Variants in WWOX observed in about 807,000 individuals in gnomAD.
WWOX encodes WW domain containing oxidoreductase, also known as WW domain-containing oxidoreductase.
A neutral mutation model predicts 46.2 loss-of-function variants in WWOX; 69 were observed. The ratio of observed to expected loss-of-function variants is 1.49; its 90% confidence interval spans 1.23 to 1.82. The LOEUF (loss-of-function observed/expected upper bound fraction) is 1.82. Ranked by LOEUF, WWOX falls within the 40% of genes most tolerant of loss-of-function variation. WWOX has a pLI of 0.00. For missense variants in WWOX, 919 were observed against 542.6 expected, an observed-to-expected ratio of 1.69 and a Z score of -6.89; for synonymous variants, 359 against 202.6, an observed-to-expected ratio of 1.77 and a Z score of -6.56.
intron 8 of WWOX, among the ~76,000 whole-genome samples, chr16:79,085,999 G>A (rs973954434): frequency 3.9e-5 from 6 of 152,002 alleles, no homozygotes; most frequent in Non-Finnish European, 8.8e-5. Context: ...TTGCATCCAG[G>A]AGGTTGAGGC....
At chr16:78,655,474 GC>G (rs2047059911) in intron 8 of WWOX, among the ~76,000 whole-genome samples, 1 of 152,156 alleles carries the variant, frequency 6.6e-6, no homozygotes, top group East Asian at 1.9e-4. Flanking sequence ...TGAGTGTGCA[GC>G]CTTTTGTCTG....
At chr16:78,857,189 G>A (rs556060871) in intron 8 of WWOX, among the ~76,000 whole-genome samples, 3 of 152,086 alleles carry the variant, frequency 2.0e-5, no homozygotes, top group Admixed American at 2.0e-4. Context: ...AGAAAAATGT[G>A]AACCTCCTAA....
chr16:78,804,082 C>T (rs146844683), intron 8 of WWOX, among the ~76,000 whole-genome samples: 1 of 152,170 alleles, frequency 6.6e-6, no homozygotes, highest in Non-Finnish European at 1.5e-5. Context: ...TCATTCCCAA[C>T]CAAGTTTGAC....
intron 8 of WWOX, among the ~76,000 whole-genome samples, chr16:79,085,955 C>A (rs2150590041): frequency 6.6e-6 from 1 of 152,158 alleles, no homozygotes; most frequent in African/African-American, 2.4e-5. Flanking sequence ...ACCTGTAGTC[C>A]CAGCTACTTG....
intron 8 of WWOX, among the ~76,000 whole-genome samples, chr16:78,767,602 G>T (rs946853976): frequency 6.6e-5 from 10 of 151,946 alleles, no homozygotes; most frequent in Admixed American, 2.0e-4. Context: ...AAATTGCTGC[G>T]TCGTTTCGTA....
chr16:78,220,376 T>C (rs1183306825), intron 5 of WWOX, among the ~76,000 whole-genome samples: 1 of 149,100 alleles, frequency 6.7e-6, no homozygotes, highest in Non-Finnish European at 1.5e-5. Context: ...TTATTCACTT[T>C]CAGTCATTAC....
chr16:78,874,342 G>C (rs1475702807), intron 8 of WWOX, among the ~76,000 whole-genome samples: 1 of 151,954 alleles, frequency 6.6e-6, no homozygotes, highest in Non-Finnish European at 1.5e-5. Context: ...ATCCTGAACA[G>C]ACATGATCTT....
intron 8 of WWOX, among the ~76,000 whole-genome samples, chr16:78,647,138 C>T (rs1222242924): frequency 6.6e-6 from 1 of 152,324 alleles, no homozygotes; most frequent in Admixed American, 6.5e-5. Context: ...AGTCCACCAT[C>T]CTGGGTCTAG....
At chr16:79,009,736 C>T (rs1459604513) in intron 8 of WWOX, among the ~76,000 whole-genome samples, 1 of 152,114 alleles carries the variant, frequency 6.6e-6, no homozygotes, top group African/African-American at 2.4e-5. Flanking sequence ...CAGGTGTGAG[C>T]CACCGCTCCT....
chr16:78,410,727 A>G (rs2082660258), intron 6 of WWOX, among the ~76,000 whole-genome samples: 2 of 151,508 alleles, frequency 1.3e-5, no homozygotes, highest in African/African-American at 4.9e-5. Context: ...AACAGCTTCA[A>G]AACAGGAGGC....
chr16:79,183,179 C>T (rs771880859), intron 8 of WWOX, among the ~76,000 whole-genome samples: 3 of 152,322 alleles, frequency 2.0e-5, no homozygotes, highest in African/African-American at 4.8e-5. Flanking sequence ...TGGCAGGCAC[C>T]ATGAGGCAGG....
At chr16:78,538,020 G>T (rs2043801012) in intron 8 of WWOX, among the ~76,000 whole-genome samples, 1 of 152,042 alleles carries the variant, frequency 6.6e-6, no homozygotes, top group Non-Finnish European at 1.5e-5. Context: ...GATGAGGGTT[G>T]AATTATAGGG....
chr16:78,684,988 C>T (rs756761862), intron 8 of WWOX, among the ~76,000 whole-genome samples: 2 of 152,134 alleles, frequency 1.3e-5, no homozygotes, highest in African/African-American at 2.4e-5. Context: ...GGAGTGTTCT[C>T]AATGTGATTT....
intron 8 of WWOX, among the ~76,000 whole-genome samples, chr16:79,092,601 C>T (rs1015283357): frequency 5.3e-5 from 8 of 152,138 alleles, no homozygotes. Context: ...TGGTCTTTAG[C>T]CTGATCTGAT....
At chr16:78,780,994 C>G (rs1025925732) in intron 8 of WWOX, among the ~76,000 whole-genome samples, 1 of 152,096 alleles carries the variant, frequency 6.6e-6, no homozygotes, top group Non-Finnish European at 1.5e-5. Context: ...CTGGTGTGGC[C>G]GAAGGAGTGC....
rs562236573 is a variant in WWOX, at chr16:79,112,628, T to G, written c.1057-98980T>G. Among the ~76,000 whole-genome samples, 4 of 152,342 alleles carry G rather than the reference T, an allele frequency of 2.6e-5. No individual in the cohort carries two copies. The East Asian group carries it at 7.7e-4, about 29-fold the overall frequency. ...TCGGTTTTATTTCTCACTCTCCCAC[T>G]GCATAAAAGATTAAGAAAGCACTCG... On this transcript the variant is annotated intron_variant, in intron 8 of 8. Transcript: ENST00000566780.
intron 8 of WWOX, among the ~76,000 whole-genome samples, chr16:78,475,938 T>G (rs560873846): frequency 6.6e-6 from 1 of 152,330 alleles, no homozygotes; most frequent in African/African-American, 2.4e-5. Flanking sequence ...TGTCTCTTAT[T>G]AATTTATTAT....
intron 8 of WWOX, among the ~76,000 whole-genome samples, chr16:78,524,711 G>A (rs1014179955): frequency 4.0e-5 from 6 of 151,528 alleles, no homozygotes; most frequent in Non-Finnish European, 7.4e-5. Flanking sequence ...GAGCCACCGC[G>A]CCCAGCCTGT....
chr16:78,509,643 G>A (rs550621558), intron 8 of WWOX, among the ~76,000 whole-genome samples: 6 of 152,244 alleles, frequency 3.9e-5, no homozygotes, highest in African/African-American at 1.2e-4. Flanking sequence ...GAAAAGCAGC[G>A]ATGGCAGGAC....
Sources: gnomAD v4.1 joint callset for allele counts (sites outside exome capture counted in the v4.1 genomes callset) on GRCh38, gnomAD v4.1.1 for gene constraint, MANE v1.5 for transcripts, NCBI Gene and HGNC (gene_info 2026-07-23, HGNC 2026-07-21) for gene names.